The following NAV3 variants were observed in gnomAD, a reference collection of about 807,000 sequenced individuals.
The protein encoded by NAV3 is pore membrane and/or filament interacting like protein 1.
NAV3 carries 87 observed loss-of-function variants against 244.7 expected under a neutral mutation model. The observed-to-expected ratio is 0.36, with a 90% confidence interval of 0.30 to 0.42. The LOEUF (loss-of-function observed/expected upper bound fraction) is 0.42. Ranked by LOEUF, NAV3 falls within the 20% of genes least tolerant of loss-of-function variation. NAV3 has a pLI of 1.00. For synonymous variants in NAV3, 1,126 were observed against 1,042.2 expected (o/e 1.08, Z -1.55); for missense variants, 2,663 against 2,893.3 (o/e 0.92, Z 1.83).
At position 77,767,933 on chromosome 12, in the gene NAV3, G is replaced by T. The variant is rs547138938; in HGVS notation, c.73-172386G>T. ...GTCCCAAGTTTTGTCCCACATCCAGGAAGAACAAGGTATGCAGACAACTGG... is the reference window on the plus strand; with the variant it reads ...GTCCCAAGTTTTGTCCCACATCCAGTAAGAACAAGGTATGCAGACAACTGG... On this transcript the variant is annotated intron_variant, in intron 2 of 8. Coordinates refer to the NAV3 transcript ENST00000550042. 2.6e-5 allele frequency among the ~76,000 whole-genome samples: 4 copies of T among 152,320 alleles called. No individual in the cohort carries two copies. The South Asian group carries it at 8.3e-4, about 32-fold the overall frequency.
chr12:77,924,637 A>G (rs1321790873), intron 1 of NAV3, among the ~76,000 whole-genome samples: 1 of 152,200 alleles, frequency 6.6e-6, no homozygotes, highest in Admixed American at 6.5e-5. Flanking sequence ...ATCAGGTAAT[A>G]CATCAGATAT....
chr12:77,909,439 CA>C (rs35769757), intron 1 of NAV3, among the ~76,000 whole-genome samples: 11 of 147,848 alleles, frequency 7.4e-5, no homozygotes, highest in East Asian at 2.0e-4. Flanking sequence ...TCTTTAATTC[CA>C]AAAAAAAAGG....
intron 3 of NAV3, among the ~76,000 whole-genome samples, chr12:77,955,787 T>A (rs965562806): frequency 1.3e-5 from 2 of 152,188 alleles, no homozygotes; most frequent in East Asian, 1.9e-4. Context: ...GGAGGATCGT[T>A]TGAGCCCAGG....
At chr12:77,842,205 T>C (rs1875787025) in intron 1 of NAV3, among the ~76,000 whole-genome samples, 1 of 152,182 alleles carries the variant, frequency 6.6e-6, no homozygotes, top group Non-Finnish European at 1.5e-5. Flanking sequence ...ATAAAGATCT[T>C]GCAGTTAACC....
intron 2 of NAV3, among the ~76,000 whole-genome samples, chr12:77,814,343 C>A (rs1001222403): frequency 6.6e-6 from 1 of 152,092 alleles, no homozygotes; most frequent in African/African-American, 2.4e-5. Context: ...GAAGATGTGG[C>A]CTCCAAATCA....
intron 1 of NAV3, among the ~76,000 whole-genome samples, chr12:77,850,896 C>A (rs901445852): frequency 7.2e-5 from 11 of 152,078 alleles, no homozygotes; most frequent in African/African-American, 2.4e-4. Context: ...ATGTGGACAC[C>A]CTCTGTTGGC....
chr12:77,936,201 A>T (rs530085348), intron 1 of NAV3, among the ~76,000 whole-genome samples: 1 of 152,348 alleles, frequency 6.6e-6, no homozygotes, highest in Admixed American at 6.5e-5. Flanking sequence ...CAAAATTCAT[A>T]CTGATAAATG....
chr12:78,015,740 A>T lies in NAV3; in HGVS notation c.1908-6007A>T, dbSNP rs140606884. On this transcript the variant is annotated intron_variant, in intron 8 of 39. Transcript: ENST00000397909. ...AAAACGCAATTTTGTATCTACTTTG[A>T]CCCACAAGTTTTAGCATCCGTTGAG... 6.0e-4 allele frequency among the ~76,000 whole-genome samples: 91 copies of T among 152,156 alleles called. 1 individual carries two copies. The East Asian group carries it at 0.017, about 28-fold the overall frequency.
At position 77,762,608 on chromosome 12, in the gene NAV3, G is replaced by GA. The variant is rs564377366; in HGVS notation, c.73-177700dup. Reference sequence around the variant, plus strand: ...CAGAGTGAGACTCCGCCTCAAAAAAGAAAAAAAAAAATTAAAAAGATGACT... The same window carrying GA: ...CAGAGTGAGACTCCGCCTCAAAAAAGAAAAAAAAAAAATTAAAAAGATGACT... On this transcript the variant is annotated intron_variant, in intron 2 of 8. Coordinates refer to the NAV3 transcript ENST00000550042. Among the ~76,000 whole-genome samples, 1,042 of 144,568 alleles carry GA rather than the reference G, an allele frequency of 7.2e-3. 9 individuals are homozygous for GA. Among genetic ancestry groups the GA allele is most frequent in the South Asian group, 0.014 (62 of 4,566 alleles). 94.8% of individuals were successfully genotyped at this position (144,568 alleles called of 152,430 possible).
At chr12:77,939,734 C>G (rs1443530701) in intron 1 of NAV3, among the ~76,000 whole-genome samples, 1 of 152,150 alleles carries the variant, frequency 6.6e-6, no homozygotes, top group Non-Finnish European at 1.5e-5. Context: ...TGTGTAATAA[C>G]TCCATTTGCT....
chr12:78,036,841 A>T, intron 9 of NAV3: 1 of 659,916 alleles, frequency 1.5e-6, no homozygotes, highest in Non-Finnish European at 2.8e-6. Flanking sequence ...TCCAATTGAA[A>T]GGAAGGAGCC....
At chr12:77,770,117 A>C (rs1870000799) in intron 2 of NAV3, among the ~76,000 whole-genome samples, 1 of 152,196 alleles carries the variant, frequency 6.6e-6, no homozygotes, top group Admixed American at 6.5e-5. Context: ...GCTAGAGCTC[A>C]ACAGAGTGCT....
At chr12:78,051,185 G>A (rs745701214) in intron 11 of NAV3, 38 bp downstream of exon 11, 2 of 1,570,492 alleles carry the variant, frequency 1.3e-6, no homozygotes, top group South Asian at 2.4e-5. Context: ...TGTGTGAAGA[G>A]GGGAGGTGGT....
chr12:77,681,542 C>T (rs758881319), intron 2 of NAV3, among the ~76,000 whole-genome samples: 2 of 152,162 alleles, frequency 1.3e-5, no homozygotes, highest in Non-Finnish European at 2.9e-5. Flanking sequence ...GTTGAAACAT[C>T]TCCATGTCAG....
rs554012511 is a variant in NAV3 at position 77,652,866 on chromosome 12, T to C, written c.72+80600T>C. ...CAGTTTACAAATACTGTAATCAGCA[T>C]GTGTCTGTGAAGTGAAAGCAATGCT... is the stretch of plus-strand genomic sequence containing the variant. On this transcript the variant is annotated intron_variant, in intron 2 of 8. Coordinates refer to the NAV3 transcript ENST00000550042. Among the ~76,000 whole-genome samples the C allele has an allele frequency of 3.5e-4, 53 of 152,348 alleles. No homozygotes were observed. The South Asian group carries it at 0.011, about 31-fold the overall frequency.
rs1200742870 is a variant in NAV3 at position 78,006,926 on chromosome 12, T to C, written c.1388T>C (p.Leu463Pro). 3 of 1,613,748 alleles carry C rather than the reference T, an allele frequency of 1.9e-6. No homozygotes were observed. In the South Asian group the frequency reaches 3.3e-5, roughly 18 times the overall value. The part of the protein sequence containing the change: ...SKNLSNKKSL[L>P]QPKEKEEKNR... ...AATCTCAGCAATAAAAAGTCTTTGC[T>C]ACAGCCAAAGGAAAAAGAAGAAAAG... Residue 463 changes from leucine to proline, a missense_variant, in exon 8 of 40, where the codon CTA becomes CCA. By Grantham distance (98) the Leu-to-Pro change is moderately conservative. This residue lies in a region of NAV3 where 1,521 missense variants were observed against 1,497.0 expected (regional missense o/e 1.02). Coordinates refer to ENST00000397909, the MANE Select transcript of NAV3 (RefSeq NM_001024383.2).
chr12:78,012,619 A>G (rs775326255), intron 8 of NAV3, among the ~76,000 whole-genome samples: 11 of 151,988 alleles, frequency 7.2e-5, no homozygotes, highest in Non-Finnish European at 1.2e-4. Context: ...TTTGGCATAT[A>G]TGTTCATTTA....
intron 30 of NAV3, among the ~76,000 whole-genome samples, chr12:78,183,383 T>A (rs1476521694): frequency 2.6e-5 from 4 of 151,826 alleles, no homozygotes. Flanking sequence ...GAGGATGAAG[T>A]GCTTTAAAAG....
At chr12:77,652,770 C>A (rs1273375528) in intron 2 of NAV3, among the ~76,000 whole-genome samples, 1 of 152,090 alleles carries the variant, frequency 6.6e-6, no homozygotes, top group East Asian at 1.9e-4. Context: ...ATAGATTGTT[C>A]AAGATAACTC....
Sources: gnomAD v4.1 joint callset for allele counts (sites outside exome capture counted in the v4.1 genomes callset) on GRCh38, gnomAD v4.1.1 for gene constraint, gnomAD v4.1.1 regional missense constraint, MANE v1.5 for transcripts, NCBI Gene and HGNC (gene_info 2026-07-23, HGNC 2026-07-21) for gene names.